The following NR3C1 variants were observed in gnomAD, a reference collection of about 807,000 sequenced individuals.
NR3C1 encodes nuclear receptor subfamily 3 group C member 1, also known as glucocorticoid receptor.
A neutral mutation model predicts 74.0 loss-of-function variants in NR3C1; 14 were observed. The ratio of observed to expected loss-of-function variants is 0.19; its 90% confidence interval spans 0.12 to 0.30. NR3C1 has a LOEUF of 0.30. Among genes scored for constraint, NR3C1 ranks in the 10% least tolerant of loss-of-function variants. The pLI is 1.00. For synonymous variants in NR3C1, 308 were observed against 332.5 expected (o/e 0.93, Z 0.80); for missense variants, 695 against 909.8 (o/e 0.76, Z 3.04).
chr5:143,382,736 C>G (rs180875548), intron 2 of NR3C1, among the ~76,000 whole-genome samples: 1 of 152,192 alleles, frequency 6.6e-6, no homozygotes, highest in South Asian at 2.1e-4. Flanking sequence ...AAAACTAGCT[C>G]CATTTGGAAT....
chr5:143,315,765 TAA>T (rs1561546925), intron 2 of NR3C1, among the ~76,000 whole-genome samples: 2 of 152,186 alleles, frequency 1.3e-5, no homozygotes, highest in Non-Finnish European at 1.5e-5. Context: ...CGTTTAGGAA[TAA>T]AAGTTAAAAG....
intron 7 of NR3C1, among the ~76,000 whole-genome samples, chr5:143,289,524 G>C (rs190143536): frequency 1.3e-5 from 2 of 152,282 alleles, no homozygotes; most frequent in Admixed American, 1.3e-4. Context: ...AACTTTCTTA[G>C]TAAACAAAGA....
intron 2 of NR3C1, among the ~76,000 whole-genome samples, chr5:143,391,826 T>C (rs961474709): frequency 2.0e-5 from 3 of 152,188 alleles, no homozygotes; most frequent in Non-Finnish European, 4.4e-5. Flanking sequence ...TTCTTGATTA[T>C]AGGCAATACC....
chr5:143,363,457 T>C lies in NR3C1; in HGVS notation c.1184+36199A>G, dbSNP rs367916186. 4.4e-4 allele frequency among the ~76,000 whole-genome samples: 67 copies of C among 152,184 alleles called. No individual in the cohort carries two copies. The Middle Eastern group carries it at 0.01, about 23-fold the overall frequency. ...ACTATGCCTGAGGAAGCCCAGATAC[T>C]AGACTTCATAGACAAAGACTTAAAA... On this transcript the variant is annotated intron_variant, in intron 2 of 8. Coordinates refer to ENST00000394464, the MANE Select transcript of NR3C1 (RefSeq NM_000176.3).
intron 2 of NR3C1, among the ~76,000 whole-genome samples, chr5:143,366,532 C>A (rs1833233457): frequency 6.6e-6 from 1 of 150,438 alleles, no homozygotes; most frequent in South Asian, 2.1e-4. Context: ...AAAAGCTGTT[C>A]CCCTGAAAAC....
chr5:143,370,489 T>C (rs556224590), intron 2 of NR3C1, among the ~76,000 whole-genome samples: 2 of 152,338 alleles, frequency 1.3e-5, no homozygotes, highest in East Asian at 3.9e-4. Context: ...ATTTTGCAAA[T>C]GTATCTTCTA....
intron 1 of NR3C1, chr5:143,402,820 C>T: frequency 2.0e-6 from 2 of 985,452 alleles, no homozygotes; most frequent in Non-Finnish European, 1.2e-6. Flanking sequence ...AATTCAGACG[C>T]GGCTTAGCGT....
intron 2 of NR3C1, chr5:143,333,163 T>G: frequency 1.3e-6 from 2 of 1,581,264 alleles, no homozygotes; most frequent in Non-Finnish European, 8.6e-7. Flanking sequence ...AAAAATAGAG[T>G]GGGCTTCCTC....
chr5:143,413,130 A>C (rs757111715), intron 1 of NR3C1, among the ~76,000 whole-genome samples: 4 of 152,216 alleles, frequency 2.6e-5, no homozygotes, highest in Non-Finnish European at 4.4e-5. Flanking sequence ...ATGGAGACAG[A>C]TACGGTTACA....
At chr5:143,314,566 A>G (rs577578908) in intron 2 of NR3C1, among the ~76,000 whole-genome samples, 4 of 152,092 alleles carry the variant, frequency 2.6e-5, no homozygotes, top group African/African-American at 9.7e-5. Flanking sequence ...TATCACAATC[A>G]GGAGAGAGGA....
chr5:143,402,648 G>A (rs759536101), intron 1 of NR3C1: 2 of 985,378 alleles, frequency 2.0e-6, no homozygotes, highest in Non-Finnish European at 1.2e-6. Flanking sequence ...AGATAACGCC[G>A]GCCCCGGCCG....
chr5:143,330,810 T>C (rs187088392), intron 2 of NR3C1, among the ~76,000 whole-genome samples: 1 of 152,220 alleles, frequency 6.6e-6, no homozygotes, highest in African/African-American at 2.4e-5. Context: ...CAAGTAAAAA[T>C]AGTTAAATAC....
At chr5:143,370,735 G>T (rs1834091180) in intron 2 of NR3C1, among the ~76,000 whole-genome samples, 4 of 152,138 alleles carry the variant, frequency 2.6e-5, no homozygotes, top group African/African-American at 9.7e-5. Context: ...CATGATAGAT[G>T]AAGAAACACA....
intron 2 of NR3C1, among the ~76,000 whole-genome samples, chr5:143,328,959 T>C (rs1825273063): frequency 6.6e-6 from 1 of 152,204 alleles, no homozygotes; most frequent in Non-Finnish European, 1.5e-5. Context: ...TCCAAACTGT[T>C]CTAACCACTG....
In NR3C1 at chr5:143,403,241, GT is replaced by G. The variant is rs1349864009; in HGVS notation, c.-45del. 1.0e-6 allele frequency: 1 copy of G among 985,360 alleles called. No homozygotes were observed. The highest frequency in any genetic ancestry group is 1.2e-6 in the Non-Finnish European group (1 of 830,052). 61.0% of individuals were successfully genotyped at this position (985,360 alleles called of 1,614,324 possible). A position where few individuals can be genotyped will look rare whatever the true frequency, so the allele number is the denominator to read the frequency against. On this transcript the variant is annotated 5_prime_UTR_variant, in exon 1 of 9. The change abolishes the stop of an existing upstream ORF in the 5' untranslated region. Coordinates refer to ENST00000394464, the MANE Select transcript of NR3C1 (RefSeq NM_000176.3). The stretch of plus-strand genomic sequence containing the variant: ...GCAGAGGAGCCGCTCGCCCGCCACC[GT>G]CCGCAGTTCCCGCCGCAGCCGAGAT...
intron 2 of NR3C1, among the ~76,000 whole-genome samples, chr5:143,323,246 G>T (rs997368474): frequency 6.6e-6 from 1 of 152,090 alleles, no homozygotes; most frequent in Admixed American, 6.6e-5. Context: ...ACCTAAAACT[G>T]GGAAGAAAAA....
intron 5 of NR3C1, among the ~76,000 whole-genome samples, chr5:143,299,783 G>A (rs10482683): frequency 0.014 from 2,192 of 152,248 alleles, 15 homozygotes; most frequent in Middle Eastern, 0.037. Context: ...CTTGGCTTGA[G>A]GTATTAATCA....
At chr5:143,396,032 C>T (rs1305040238) in intron 2 of NR3C1, among the ~76,000 whole-genome samples, 1 of 151,774 alleles carries the variant, frequency 6.6e-6, no homozygotes, top group Non-Finnish European at 1.5e-5. Context: ...AGTGGTCAGA[C>T]TAAAATACAT....
At chr5:143,429,363 A>G (rs752826153) in intron 1 of NR3C1, among the ~76,000 whole-genome samples, 8 of 152,228 alleles carry the variant, frequency 5.3e-5, no homozygotes, top group Non-Finnish European at 1.0e-4. Flanking sequence ...TTAAATGAAT[A>G]CCTCATTCTT....
Sources: allele counts gnomAD v4.1 joint callset (sites outside exome capture counted in the v4.1 genomes callset), GRCh38; gene constraint gnomAD v4.1.1; transcripts MANE v1.5; gene names NCBI Gene and HGNC (gene_info 2026-07-23, HGNC 2026-07-21).